The following C10orf53 variants were observed in gnomAD, a reference collection of about 807,000 sequenced individuals.
C10orf53 encodes the protein chromosome 10 open reading frame 53, also known as UPF0728 protein C10orf53.
Under a neutral mutation model 9.4 loss-of-function variants are expected in C10orf53, and 8 were observed. The ratio of observed to expected loss-of-function variants is 0.85; its 90% CI spans 0.50 to 1.53. The LOEUF is 1.53. Among genes scored for constraint, C10orf53 ranks in the 40% most tolerant of loss-of-function variants. C10orf53 has a pLI of 0.00. For missense variants in C10orf53, 117 were observed against 117.8 expected (o/e 0.99, Z 0.03); for synonymous variants, 48 against 46.0 (o/e 1.04, Z -0.18).
In C10orf53 at chr10:49,694,562, T is replaced by C; in HGVS notation, c.242T>C (p.Leu81Pro). The C allele has an allele frequency of 1.2e-6, 2 of 1,614,248 alleles. No homozygotes were observed. Among genetic ancestry groups the C allele is most frequent in the Non-Finnish European group, 1.7e-6 (2 of 1,180,034 alleles). Reference protein sequence around the residue: ...EFGGDGKLDPLCEKARIAVLN... With the variant: ...EFGGDGKLDPPCEKARIAVLN... ...GGAGGCGATGGTAAACTAGACCCAC[T>C]GTGTGAAAAGGCCAGGATAGCCGTG... Residue 81 changes from leucine to proline, a missense_variant, in exon 3 of 3, where the codon CTG becomes CCG. By Grantham distance (98) the Leu-to-Pro change is moderately conservative. Transcript: ENST00000374111.
exon 3 of C10orf53, chr10:49,709,650 C>T (rs1840748415): frequency 6.6e-6 from 1 of 152,342 alleles, no homozygotes; most frequent in Non-Finnish European, 1.5e-5. Flanking sequence ...AAAATTTAAA[C>T]TCTTCAGCCA....
At chr10:49,690,680 T>C (rs1840574572) in intron 1 of C10orf53, among the ~76,000 whole-genome samples, 3 of 152,184 alleles carry the variant, frequency 2.0e-5, no homozygotes, top group Non-Finnish European at 4.4e-5. Context: ...CCTTGCATGC[T>C]CTACTTAAGT....
intron 1 of C10orf53, among the ~76,000 whole-genome samples, chr10:49,688,638 C>T (rs1279540210): frequency 7.3e-6 from 1 of 137,738 alleles, no homozygotes; most frequent in South Asian, 2.7e-4. Context: ...CCTCATCTCA[C>T]CCCCTCCTGC....
Position 49,694,696 on chromosome 10 carries a change from C to T in C10orf53, c.*94C>T, listed in dbSNP as rs1840618639. 6.3e-7 allele frequency: 1 copy of T among 1,594,742 alleles called. No homozygotes were observed. Among genetic ancestry groups the T allele is most frequent in the South Asian group, 1.1e-5 (1 of 88,508 alleles). ...AGAAGTGGCTGTGCCACGGTGTGGACACTGGGCTCTGCTAGTCAGAACAGG... is the reference window on the plus strand; with the variant it reads ...AGAAGTGGCTGTGCCACGGTGTGGATACTGGGCTCTGCTAGTCAGAACAGG... On this transcript the variant is annotated 3_prime_UTR_variant, in exon 3 of 3. Coordinates refer to ENST00000374111, the MANE Select transcript of C10orf53 (RefSeq NM_001042427.3).
chr10:49,707,222 G>A lies in C10orf53; in HGVS notation c.218-1139G>A, dbSNP rs1840729074. On this transcript the variant is annotated intron_variant, in intron 2 of 2. Coordinates refer to the C10orf53 transcript ENST00000374112. ...CAGTGTTTTCTCCATTTAACAGGTG[G>A]GGAAACTGGGTCTTAGTGGAGGTGA... Among the ~76,000 whole-genome samples, 4 of 152,114 alleles carry A rather than the reference G, an allele frequency of 2.6e-5. No individual in the cohort carries two copies. The South Asian group carries it at 8.3e-4, about 32-fold the overall frequency.
intron 2 of C10orf53, among the ~76,000 whole-genome samples, chr10:49,702,735 C>T (rs1840693422): frequency 6.6e-6 from 1 of 152,186 alleles, no homozygotes; most frequent in African/African-American, 2.4e-5. Context: ...TAGATATAGA[C>T]TATATAGATA....
intron 1 of C10orf53, 114 bp downstream of exon 1, chr10:49,679,908 A>G: frequency 1.0e-6 from 1 of 974,456 alleles, no homozygotes; most frequent in Non-Finnish European, 1.4e-6. Flanking sequence ...CCTCTCCAGG[A>G]AGTCTTCCCC....
At chr10:49,685,805 T>C (rs952822350) in intron 1 of C10orf53, among the ~76,000 whole-genome samples, 1 of 152,254 alleles carries the variant, frequency 6.6e-6, no homozygotes, top group Non-Finnish European at 1.5e-5. Flanking sequence ...TGTCTTAGTA[T>C]AATACTTTTT....
intron 2 of C10orf53, among the ~76,000 whole-genome samples, chr10:49,702,889 C>A (rs1840694484): frequency 6.6e-6 from 1 of 152,138 alleles, no homozygotes; most frequent in South Asian, 2.1e-4. Flanking sequence ...GTGTTCTGGT[C>A]CATGATGTCT....
downstream of C10orf53, among the ~76,000 whole-genome samples, chr10:49,697,981 G>C (rs1840650444): frequency 6.6e-6 from 1 of 152,172 alleles, no homozygotes; most frequent in South Asian, 2.1e-4. Context: ...TGCTCCCTTG[G>C]TAAGATTGCC....
intron 1 of C10orf53, among the ~76,000 whole-genome samples, chr10:49,686,440 A>G (rs1443597098): frequency 6.6e-6 from 1 of 152,226 alleles, no homozygotes; most frequent in African/African-American, 2.4e-5. Flanking sequence ...ATGAGGGAAG[A>G]TAAACAGGAG....
downstream of C10orf53, among the ~76,000 whole-genome samples, chr10:49,699,190 C>CTTTTTTTTTTTT (rs67695235): frequency 6.1e-3 from 393 of 64,890 alleles, 72 homozygotes; most frequent in East Asian, 8.5e-3. Context: ...GTGGCTCAAT[C>CTTTTTTTTTTTT]TTTTTTTTTT....
At chr10:49,704,941 T>C (rs1410186795) in intron 2 of C10orf53, among the ~76,000 whole-genome samples, 1 of 152,242 alleles carries the variant, frequency 6.6e-6, no homozygotes, top group African/African-American at 2.4e-5. Flanking sequence ...GTCCTAAAGA[T>C]ACTATCTAAA....
intron 2 of C10orf53, among the ~76,000 whole-genome samples, chr10:49,703,545 G>A (rs1258891732): frequency 6.6e-6 from 1 of 152,190 alleles, no homozygotes; most frequent in Non-Finnish European, 1.5e-5. Context: ...AAGGCGACCA[G>A]CAGCCCCAGC....
At chr10:49,703,044 G>C (rs1207930327) in intron 2 of C10orf53, among the ~76,000 whole-genome samples, 2 of 152,030 alleles carry the variant, frequency 1.3e-5, no homozygotes, top group African/African-American at 2.4e-5. Context: ...CTCAAGGGGA[G>C]GGGGGTCGCC....
At chr10:49,693,630 C>A in intron 1 of C10orf53, 144 bp from the exon 2 acceptor site, 1 of 1,033,394 alleles carries the variant, frequency 9.7e-7, no homozygotes, top group Non-Finnish European at 1.4e-6. Context: ...GGCCAACACC[C>A]AGAAAGTGCC....
At chr10:49,691,546 G>A (rs1840583842) in intron 1 of C10orf53, among the ~76,000 whole-genome samples, 2 of 152,244 alleles carry the variant, frequency 1.3e-5, no homozygotes. Context: ...AGTGAAGAGT[G>A]GTGTGTCTCT....
chr10:49,694,712 T>A lies in C10orf53; in HGVS notation c.*110T>A. ...CGGTGTGGACACTGGGCTCTGCTAG[T>A]CAGAACAGGGCAACTCGGGCCTGAC... is the stretch of plus-strand genomic sequence containing the variant. On this transcript the variant is annotated 3_prime_UTR_variant, in exon 3 of 3. Coordinates refer to ENST00000374111, the MANE Select transcript of C10orf53 (RefSeq NM_001042427.3). 6.4e-7 allele frequency: 1 copy of A among 1,566,942 alleles called. No individual in the cohort carries two copies.
At position 49,694,998 on chromosome 10, in the gene C10orf53, G is replaced by C; in HGVS notation, c.*396G>C. Reference sequence around the variant, plus strand: ...AGTGCTCAGAACAGGTGAAATTAAAGAGAGGTTGGGGGAAGAGTGGGAATA... The same window carrying C: ...AGTGCTCAGAACAGGTGAAATTAAACAGAGGTTGGGGGAAGAGTGGGAATA... On this transcript the variant is annotated 3_prime_UTR_variant, in exon 3 of 3. Coordinates refer to ENST00000374111, the MANE Select transcript of C10orf53 (RefSeq NM_001042427.3). 15 of 957,618 alleles carry C rather than the reference G, an allele frequency of 1.6e-5. No homozygotes were observed. Among genetic ancestry groups the C allele is most frequent in the Non-Finnish European group, 1.9e-5 (15 of 802,136 alleles). 59.3% of individuals were successfully genotyped at this position (957,618 alleles called of 1,614,324 possible). A position where few individuals can be genotyped will look rare whatever the true frequency, so the allele number is the denominator to read the frequency against.
Sources: allele counts gnomAD v4.1 joint callset (sites outside exome capture counted in the v4.1 genomes callset), GRCh38; gene constraint gnomAD v4.1.1; transcripts MANE v1.5; gene names NCBI Gene and HGNC (gene_info 2026-07-23, HGNC 2026-07-21).